The following C9 variants were observed in gnomAD, a reference collection of about 807,000 sequenced individuals.
C9 encodes the protein complement C9.
Under a neutral mutation model 65.4 loss-of-function variants are expected in C9, and 63 were observed. That is an observed-to-expected ratio of 0.96 (90% confidence interval 0.79 to 1.19). The LOEUF (loss-of-function observed/expected upper bound fraction) is 1.19, where lower values mean the gene tolerates loss of function less well. Among genes scored for constraint, C9 ranks in the 50% most tolerant of loss-of-function variants. The pLI is 0.00. For missense variants in C9, 744 were observed against 670.1 expected, an observed-to-expected ratio of 1.11 and a Z score of -1.22; for synonymous variants, 229 against 227.9, an observed-to-expected ratio of 1.00 and a Z score of -0.04.
chr5:39,290,681 G>A (rs1371159212), intron 9 of C9, among the ~76,000 whole-genome samples: 1 of 151,780 alleles, frequency 6.6e-6, no homozygotes, highest in Admixed American at 6.6e-5. Flanking sequence ...TCTGGGAGGA[G>A]GTGGAAATCC....
At chr5:39,334,211 G>T (rs1001338115) in intron 4 of C9, among the ~76,000 whole-genome samples, 1 of 150,806 alleles carries the variant, frequency 6.6e-6, no homozygotes, top group Admixed American at 6.6e-5. Flanking sequence ...AGTGAGGAGC[G>T]TCTCTGCCCG....
chr5:39,337,058 A>C (rs1753983660), intron 4 of C9, among the ~76,000 whole-genome samples: 1 of 152,078 alleles, frequency 6.6e-6, no homozygotes. Context: ...AAAAGTAAGA[A>C]GTAAGTGATT....
intron 9 of C9, among the ~76,000 whole-genome samples, chr5:39,301,720 A>G (rs1753287368): frequency 6.6e-6 from 1 of 152,018 alleles, no homozygotes; most frequent in Admixed American, 6.6e-5. Flanking sequence ...AACACCATTA[A>G]AGATGAAATT....
chr5:39,340,452 T>C (rs1754054084), intron 4 of C9, among the ~76,000 whole-genome samples: 1 of 152,210 alleles, frequency 6.6e-6, no homozygotes, highest in African/African-American at 2.4e-5. Flanking sequence ...GGATGCCCTC[T>C]GACTATGTAT....
At chr5:39,312,356 C>T (rs1015939967) in intron 6 of C9, among the ~76,000 whole-genome samples, 15 of 152,058 alleles carry the variant, frequency 9.9e-5, no homozygotes, top group African/African-American at 3.4e-4. Flanking sequence ...GAGACATTAT[C>T]AATAAAGCCC....
At chr5:39,286,596 T>C (rs532462543) in intron 10 of C9, among the ~76,000 whole-genome samples, 10 of 151,758 alleles carry the variant, frequency 6.6e-5, no homozygotes, top group Admixed American at 1.3e-4. Context: ...ATAAAATAAT[T>C]GGAAAATTAA....
chr5:39,335,971 T>C (rs990373325), intron 4 of C9, among the ~76,000 whole-genome samples: 9 of 152,188 alleles, frequency 5.9e-5, no homozygotes, highest in African/African-American at 2.2e-4. Flanking sequence ...TTTTGATAAA[T>C]TATACTTTCC....
chr5:39,346,089 C>T (rs1187647573), intron 1 of C9, among the ~76,000 whole-genome samples: 20 of 151,894 alleles, frequency 1.3e-4, no homozygotes, highest in Admixed American at 1.2e-3. Flanking sequence ...AAATTGACAC[C>T]CTAACATCAC....
intron 5 of C9, among the ~76,000 whole-genome samples, chr5:39,321,117 T>C (rs780251734): frequency 2.5e-4 from 38 of 152,164 alleles, no homozygotes; most frequent in Non-Finnish European, 4.7e-4. Context: ...ATTAAGTACA[T>C]AGTCAAATTC....
chr5:39,315,363 A>C (rs1213612855), intron 6 of C9, among the ~76,000 whole-genome samples: 1 of 152,220 alleles, frequency 6.6e-6, no homozygotes. Flanking sequence ...GTGCATGTGT[A>C]TAATTTCATA....
intron 1 of C9, among the ~76,000 whole-genome samples, chr5:39,362,737 A>G (rs1453801160): frequency 2.0e-5 from 3 of 152,186 alleles, no homozygotes; most frequent in Non-Finnish European, 2.9e-5. Context: ...GTTATTTTGC[A>G]AATTTCAGTT....
Position 39,342,232 on chromosome 5 carries a change from T to C in C9, c.78-36A>G, listed in dbSNP as rs760518947. The C allele has an allele frequency of 4.6e-6, 5 of 1,091,060 alleles. No individual in the cohort carries two copies. The Admixed American group carries it at 5.1e-5, about 11-fold the overall frequency. The allele number at this position is 1,091,060 out of a possible 1,614,324, so 67.6% of individuals were successfully genotyped here. A position where few individuals can be genotyped will look rare whatever the true frequency, so the allele number is the denominator to read the frequency against. On this transcript the variant is annotated intron_variant, in intron 1 of 10. Coordinates refer to ENST00000263408, the MANE Select transcript of C9 (RefSeq NM_001737.5). ...AGAACATCCCAGTTTATAATGACCA[T>C]TGTGTATATCTGTTTCCAAGAAGTC...
chr5:39,362,172 C>A lies in C9; in HGVS notation c.77+2216G>T, dbSNP rs553050767. 6.6e-5 allele frequency among the ~76,000 whole-genome samples: 10 copies of A among 152,198 alleles called. No homozygotes were observed. The South Asian group carries it at 8.3e-4, about 13-fold the overall frequency. On this transcript the variant is annotated intron_variant, in intron 1 of 10. Transcript: ENST00000263408. ...CCTGAAAGGTATGTTGAAGTCCTAA[C>A]CCCAGATAATTATTTGGTCCTAAGT... is the stretch of plus-strand genomic sequence containing the variant.
intron 1 of C9, among the ~76,000 whole-genome samples, chr5:39,363,296 G>A (rs1014056154): frequency 6.6e-6 from 1 of 152,208 alleles, no homozygotes; most frequent in Non-Finnish European, 1.5e-5. Flanking sequence ...CAGGGCCCAT[G>A]TTCATCTGTG....
chr5:39,296,456 C>T (rs1488760149), intron 9 of C9, among the ~76,000 whole-genome samples: 1 of 151,074 alleles, frequency 6.6e-6, no homozygotes, highest in Non-Finnish European at 1.5e-5. Flanking sequence ...ACAATGCTGG[C>T]AAGGATGTGG....
intron 1 of C9, among the ~76,000 whole-genome samples, chr5:39,357,444 G>A (rs1314772591): frequency 6.6e-6 from 1 of 152,164 alleles, no homozygotes; most frequent in African/African-American, 2.4e-5. Flanking sequence ...AATGAGCCAA[G>A]GGTCACCAAC....
chr5:39,301,256 G>A (rs543648426), intron 9 of C9, among the ~76,000 whole-genome samples: 4 of 152,118 alleles, frequency 2.6e-5, no homozygotes, highest in East Asian at 3.9e-4. Flanking sequence ...GACATTTGAC[G>A]TGATAACTGA....
At chr5:39,343,992 G>A (rs1473730299) in intron 1 of C9, among the ~76,000 whole-genome samples, 1 of 152,106 alleles carries the variant, frequency 6.6e-6, no homozygotes, top group Non-Finnish European at 1.5e-5. Flanking sequence ...CTAACAAACA[G>A]AAAGGACATC....
chr5:39,314,314 T>C (rs1753536172), intron 6 of C9, among the ~76,000 whole-genome samples: 1 of 151,908 alleles, frequency 6.6e-6, no homozygotes, highest in Non-Finnish European at 1.5e-5. Context: ...CCAGGCGTGG[T>C]GGTGCATGCC....
Sources: gnomAD v4.1 joint callset for allele counts (sites outside exome capture counted in the v4.1 genomes callset) on GRCh38, gnomAD v4.1.1 for gene constraint, MANE v1.5 for transcripts, NCBI Gene and HGNC (gene_info 2026-07-23, HGNC 2026-07-21) for gene names.